The following KCNN2 variants were observed in gnomAD, a reference collection of about 807,000 sequenced individuals.
The protein encoded by KCNN2 is small conductance calcium-activated potassium channel protein 2.
In KCNN2, 24 loss-of-function variants were observed where a neutral mutation model predicts 55.5. That is an observed-to-expected ratio of 0.43 (90% confidence interval 0.31 to 0.61). KCNN2 has a LOEUF of 0.61. KCNN2 is among the 20% of genes least tolerant of loss of function. KCNN2 has a pLI of 0.08. For missense variants in KCNN2, 754 were observed against 853.6 expected (o/e 0.88, Z 1.45); for synonymous variants, 431 against 336.1 (o/e 1.28, Z -3.09).
intron 5 of KCNN2, among the ~76,000 whole-genome samples, chr5:114,475,605 A>AGAATCACATTC (rs1320521121): frequency 6.6e-6 from 1 of 151,904 alleles, no homozygotes; most frequent in Non-Finnish European, 1.5e-5. Context: ...CAAGAGCTAA[A>AGAATCACATTC]GAATCACATT....
intron 2 of KCNN2, among the ~76,000 whole-genome samples, chr5:114,262,733 A>G (rs1325590891): frequency 6.6e-6 from 1 of 152,196 alleles, no homozygotes; most frequent in African/African-American, 2.4e-5. Flanking sequence ...ATTCTTAATC[A>G]TACCTTCAGT....
In KCNN2 at chr5:114,433,035, C is replaced by G. The variant is rs181701424; in HGVS notation, c.1637+28179C>G. Among the ~76,000 whole-genome samples, 435 of 152,294 alleles carry G rather than the reference C, an allele frequency of 2.9e-3. 1 individual carries two copies. The highest frequency in any genetic ancestry group is 5.0e-3 in the Non-Finnish European group (338 of 68,034). The stretch of plus-strand genomic sequence containing the variant: ...CACCCCCTGCTCCACGGTGCCCAGT[C>G]CCATCGACCACCCAAGGGCTGAGTA... On this transcript the variant is annotated intron_variant, in intron 3 of 7. Coordinates refer to ENST00000673685, the MANE Select transcript of KCNN2 (RefSeq NM_021614.4).
chr5:114,448,008 A>C (rs1474197543), intron 3 of KCNN2, among the ~76,000 whole-genome samples: 3 of 152,204 alleles, frequency 2.0e-5, no homozygotes, highest in African/African-American at 7.2e-5. Context: ...ATTTGTGGAT[A>C]GTGCTGGAAA....
At chr5:114,453,993 GC>G (rs1431177560) in intron 3 of KCNN2, among the ~76,000 whole-genome samples, 1 of 151,890 alleles carries the variant, frequency 6.6e-6, no homozygotes, top group African/African-American at 2.4e-5. Context: ...ACCCCAGTAG[GC>G]CCCGGTATGT....
intron 1 of KCNN2, among the ~76,000 whole-genome samples, chr5:114,108,802 G>T (rs1372703092): frequency 6.6e-6 from 1 of 151,904 alleles, no homozygotes; most frequent in Non-Finnish European, 1.5e-5. Flanking sequence ...TTCAGTTTGG[G>T]GCTTTTGTGG....
chr5:114,121,403 C>T (rs1267312884), intron 1 of KCNN2, among the ~76,000 whole-genome samples: 3 of 152,126 alleles, frequency 2.0e-5, no homozygotes. Flanking sequence ...CATATGTACA[C>T]AGGATGAGCT....
At chr5:114,337,855 GT>G (rs1223173490) in intron 2 of KCNN2, among the ~76,000 whole-genome samples, 1 of 152,080 alleles carries the variant, frequency 6.6e-6, no homozygotes. Flanking sequence ...CATATTAAAA[GT>G]TTTTAACGTT....
intron 3 of KCNN2, among the ~76,000 whole-genome samples, chr5:114,431,655 T>A (rs1256134081): frequency 6.6e-6 from 1 of 152,132 alleles, no homozygotes; most frequent in Non-Finnish European, 1.5e-5. Flanking sequence ...TCTCATTTTC[T>A]AAGGTGGAAG....
At chr5:114,364,190 G>T (rs1002792218) in intron 2 of KCNN2, among the ~76,000 whole-genome samples, 189 bp downstream of exon 2, 7 of 152,202 alleles carry the variant, frequency 4.6e-5, no homozygotes, top group Admixed American at 3.3e-4. Flanking sequence ...AGGCAGGGTA[G>T]CATATAAACA....
intron 1 of KCNN2, among the ~76,000 whole-genome samples, chr5:114,145,118 G>A (rs540542592): frequency 3.1e-4 from 47 of 152,250 alleles, no homozygotes; most frequent in Non-Finnish European, 3.4e-4. Context: ...GCTTTGGAGG[G>A]GCAACCCCTG....
At chr5:114,204,964 G>T (rs6868140) in intron 1 of KCNN2, among the ~76,000 whole-genome samples, 110,020 of 152,158 alleles carry the variant, frequency 0.72, 39,948 homozygotes, top group East Asian at 0.87. Flanking sequence ...TGCTGAATAT[G>T]TGAATAATGA....
At position 114,170,256 on chromosome 5, in the gene KCNN2, C is replaced by G. The variant is rs1753005532; in HGVS notation, c.-270-51224C>G. Among the ~76,000 whole-genome samples the G allele has an allele frequency of 2.0e-5, 3 of 152,182 alleles. No homozygotes were observed. The South Asian group carries it at 6.2e-4, about 32-fold the overall frequency. On this transcript the variant is annotated intron_variant, in intron 1 of 10. Transcript: ENST00000512097. Reference sequence around the variant, plus strand: ...ACTTATATGTAACACTCTTACAGAGCAGGTCCAATCATTCATTTACCTCAC... The same window carrying G: ...ACTTATATGTAACACTCTTACAGAGGAGGTCCAATCATTCATTTACCTCAC...
chr5:114,222,427 A>G (rs1384619779), intron 2 of KCNN2, among the ~76,000 whole-genome samples: 1 of 152,328 alleles, frequency 6.6e-6, no homozygotes, highest in South Asian at 2.1e-4. Flanking sequence ...TGAACTAAGT[A>G]TTTGAGGGCC....
chr5:114,159,847 A>C (rs1278086544), intron 1 of KCNN2, among the ~76,000 whole-genome samples: 1 of 152,044 alleles, frequency 6.6e-6, no homozygotes, highest in Non-Finnish European at 1.5e-5. Flanking sequence ...ATCGGTGGTG[A>C]CATCCCCTTT....
chr5:114,109,790 G>GA (rs1439919249), intron 1 of KCNN2, among the ~76,000 whole-genome samples: 1 of 152,068 alleles, frequency 6.6e-6, no homozygotes, highest in Non-Finnish European at 1.5e-5. Context: ...ACCATCTGGG[G>GA]ATGTGTTCAC....
intron 3 of KCNN2, among the ~76,000 whole-genome samples, chr5:114,423,914 G>C (rs1246397114): frequency 6.6e-6 from 1 of 152,206 alleles, no homozygotes; most frequent in Admixed American, 6.5e-5. Flanking sequence ...CAGGCATGGA[G>C]AAAGGGAAGG....
chr5:114,459,699 G>A (rs913407296), intron 3 of KCNN2, among the ~76,000 whole-genome samples: 1 of 151,946 alleles, frequency 6.6e-6, no homozygotes, highest in Non-Finnish European at 1.5e-5. Flanking sequence ...CTATTTTTAG[G>A]GCAGGTTTAT....
At chr5:114,090,372 A>C (rs1751112901) in intron 1 of KCNN2, among the ~76,000 whole-genome samples, 1 of 152,164 alleles carries the variant, frequency 6.6e-6, no homozygotes, top group Non-Finnish European at 1.5e-5. Context: ...AAGTACATTT[A>C]AAACCTAGGA....
At chr5:114,093,821 A>G (rs952735573) in intron 1 of KCNN2, among the ~76,000 whole-genome samples, 2 of 152,172 alleles carry the variant, frequency 1.3e-5, no homozygotes, top group Non-Finnish European at 2.9e-5. Flanking sequence ...CTCCCTTGAC[A>G]AGTGGGGATT....
Sources: allele counts gnomAD v4.1 joint callset (sites outside exome capture counted in the v4.1 genomes callset), GRCh38; gene constraint gnomAD v4.1.1; transcripts MANE v1.5; gene names NCBI Gene and HGNC (gene_info 2026-07-23, HGNC 2026-07-21).